The following FGF2 variants were observed in gnomAD, a reference collection of about 807,000 sequenced individuals.
The protein encoded by FGF2 is fibroblast growth factor 2, also known as basic fibroblast growth factor bFGF.
In FGF2, 13 loss-of-function variants were observed where a neutral mutation model predicts 15.9. That is an observed-to-expected ratio of 0.82 (90% CI 0.53 to 1.30). The LOEUF is 1.30. Ranked by LOEUF, FGF2 falls within the 50% of genes most tolerant of loss-of-function variation. FGF2 has a pLI of 0.00. For missense variants in FGF2, 163 were observed against 196.9 expected (o/e 0.83, Z 1.03); for synonymous variants, 90 against 78.4 (o/e 1.15, Z -0.78).
chr4:122,831,361 C>T (rs187550508), intron 1 of FGF2, among the ~76,000 whole-genome samples: 49 of 152,206 alleles, frequency 3.2e-4, no homozygotes, highest in Admixed American at 2.0e-3. Flanking sequence ...TACTAGTTTA[C>T]GGGTGCCTCA....
intron 2 of FGF2, among the ~76,000 whole-genome samples, chr4:122,883,715 G>A (rs945594631): frequency 1.3e-5 from 2 of 152,172 alleles, no homozygotes; most frequent in African/African-American, 4.8e-5. Context: ...GCATTGGTAT[G>A]AAAAAACTTT....
At chr4:122,888,945 T>C (rs561457554) in intron 2 of FGF2, 2 of 152,352 alleles carry the variant, frequency 1.3e-5, no homozygotes, top group East Asian at 3.9e-4. Context: ...TTCATTGATG[T>C]GTCTTAGATG....
Position 122,892,301 on chromosome 4 carries a change from G to A in FGF2, c.373G>A (p.Val125Met). The change falls in exon 3 of 3, where the codon GTG becomes ATG. Residue 125 changes from valine (V) to methionine (M), a missense_variant. Transcript: ENST00000644866. ...GTCAAGGAAATACACCAGTTGGTAT[G>A]TGGCACTGAAACGAACTGGGCAGTA... ...YRSRKYTSWYVALKRTGQYKL... is the reference protein window; with the variant it reads ...YRSRKYTSWYMALKRTGQYKL... 6.2e-7 allele frequency: 1 copy of A among 1,613,966 alleles called. No homozygotes were observed. The highest frequency in any genetic ancestry group is 1.7e-5 in the Admixed American group (1 of 60,018).
Position 122,892,927 on chromosome 4 carries a change from C to T in FGF2, c.*531C>T. 6.2e-7 allele frequency: 1 copy of T among 1,614,122 alleles called. No homozygotes were observed. Among genetic ancestry groups the T allele is most frequent in the Non-Finnish European group, 8.5e-7 (1 of 1,180,012 alleles). On this transcript the variant is annotated 3_prime_UTR_variant, in exon 3 of 3. Coordinates refer to ENST00000644866, the MANE Select transcript of FGF2 (RefSeq NM_001361665.2). ...AAACTGCTGGAAGTTCTTCCACAGT[C>T]AGGTCAATTTTGTCAAACCCTTCTC...
At chr4:122,867,309 G>T (rs1560750284) in intron 1 of FGF2, among the ~76,000 whole-genome samples, 1 of 152,154 alleles carries the variant, frequency 6.6e-6, no homozygotes, top group Non-Finnish European at 1.5e-5. Flanking sequence ...CCTCAATAAG[G>T]CTATAACAGG....
intron 1 of FGF2, among the ~76,000 whole-genome samples, chr4:122,830,779 C>T (rs1725746801): frequency 1.6e-5 from 2 of 126,346 alleles, no homozygotes; most frequent in Non-Finnish European, 3.1e-5. Flanking sequence ...TGCTTATGTA[C>T]ACTTAGTATT....
intron 2 of FGF2, among the ~76,000 whole-genome samples, chr4:122,881,478 A>G (rs1253255425): frequency 6.6e-6 from 1 of 152,158 alleles, no homozygotes; most frequent in Admixed American, 6.5e-5. Flanking sequence ...GATACCCTAA[A>G]TCATATCTCT....
rs1372897275 is a variant in FGF2, at chr4:122,894,471, T to C, written c.*2075T>C. 1 of 152,026 alleles carries C rather than the reference T, an allele frequency of 6.6e-6. No individual in the cohort carries two copies. The highest frequency in any genetic ancestry group is 2.4e-5 in the African/African-American group (1 of 41,394). 9.4% of individuals were successfully genotyped at this position (152,026 alleles called of 1,614,324 possible). A position where few individuals can be genotyped will look rare whatever the true frequency, so the allele number is the denominator to read the frequency against. ...GGTGGCGTGTACATGTGGTCTCAGATACTTGGGAGGCTGAGGTGGGAGGGT... is the reference window on the plus strand; with the variant it reads ...GGTGGCGTGTACATGTGGTCTCAGACACTTGGGAGGCTGAGGTGGGAGGGT... On this transcript the variant is annotated 3_prime_UTR_variant, in exon 3 of 3. Coordinates refer to ENST00000644866, the MANE Select transcript of FGF2 (RefSeq NM_001361665.2).
intron 2 of FGF2, among the ~76,000 whole-genome samples, chr4:122,880,956 C>T (rs1042510053): frequency 2.0e-5 from 3 of 152,200 alleles, no homozygotes; most frequent in Admixed American, 6.5e-5. Context: ...TGAAATCTAG[C>T]GGAGGTTCCT....
intron 1 of FGF2, among the ~76,000 whole-genome samples, chr4:122,828,089 A>G (rs1725685871): frequency 6.6e-6 from 1 of 152,156 alleles, no homozygotes. Flanking sequence ...ATATATTACT[A>G]CCTTGCAGCA....
chr4:122,831,480 C>T (rs1400642616), intron 1 of FGF2, among the ~76,000 whole-genome samples: 1 of 152,162 alleles, frequency 6.6e-6, no homozygotes, highest in Non-Finnish European at 1.5e-5. Context: ...ATTCTCTCCC[C>T]CCACCTCTCT....
At chr4:122,866,195 C>T (rs1190315834) in intron 1 of FGF2, among the ~76,000 whole-genome samples, 3 of 151,774 alleles carry the variant, frequency 2.0e-5, no homozygotes, top group Non-Finnish European at 4.4e-5. Context: ...CATGAAACCC[C>T]GACTCTACTA....
chr4:122,886,225 T>A (rs2150789422), intron 2 of FGF2, among the ~76,000 whole-genome samples: 1 of 152,240 alleles, frequency 6.6e-6, no homozygotes, highest in East Asian at 1.9e-4. Flanking sequence ...TGACCTGATG[T>A]TTTTTTCATG....
chr4:122,892,931 T>C lies in FGF2; in HGVS notation c.*535T>C. On this transcript the variant is annotated 3_prime_UTR_variant, in exon 3 of 3. Transcript: ENST00000644866. Reference sequence around the variant, plus strand: ...TGCTGGAAGTTCTTCCACAGTCAGGTCAATTTTGTCAAACCCTTCTCTGTA... The same window carrying C: ...TGCTGGAAGTTCTTCCACAGTCAGGCCAATTTTGTCAAACCCTTCTCTGTA... 6.2e-7 allele frequency: 1 copy of C among 1,614,162 alleles called. No homozygotes were observed. Among genetic ancestry groups the C allele is most frequent in the Non-Finnish European group, 8.5e-7 (1 of 1,180,024 alleles).
rs1274985678 is a variant in FGF2 at position 122,896,101 on chromosome 4, C to T, written c.*3705C>T. The T allele has an allele frequency of 6.6e-6, 1 of 152,230 alleles. No individual in the cohort carries two copies. The highest frequency in any genetic ancestry group is 1.5e-5 in the Non-Finnish European group (1 of 67,992). The allele number at this position is 152,230 out of a possible 1,614,324, so 9.4% of individuals were successfully genotyped here. A position where few individuals can be genotyped will look rare whatever the true frequency, so the allele number is the denominator to read the frequency against. On this transcript the variant is annotated 3_prime_UTR_variant, in exon 3 of 3. Transcript: ENST00000644866. ...TAGGAAGTATGGCTAATGCCAACGG[C>T]AGTTTTTTTCTTCTTAATTCCACAT...
intron 1 of FGF2, among the ~76,000 whole-genome samples, chr4:122,870,555 A>G (rs13435300): frequency 0.14 from 21,277 of 152,044 alleles, 1,616 homozygotes; most frequent in Middle Eastern, 0.22. Context: ...TAGCCTTGGG[A>G]CGGTGTATGT....
rs748774402 is a variant in FGF2, at chr4:122,827,263, A to C, written c.89A>C (p.Lys30Thr). The C allele has an allele frequency of 6.2e-7, 1 of 1,612,548 alleles. No homozygotes were observed. The highest frequency in any genetic ancestry group is 8.5e-7 in the Non-Finnish European group (1 of 1,179,770). Residue 30 changes from lysine to threonine, a missense_variant, in exon 1 of 3, where the codon AAG (lysine) becomes ACG (threonine). Transcript: ENST00000644866. This position sits in a 1 kb window ranked among gnomAD's most constrained non-coding sequence, Gnocchi z 4.2. ...CCGCCCGGCCACTTCAAGGACCCCA[A>C]GCGGCTGTACTGCAAAAACGGGGGC... ...AFPPGHFKDP[K>T]RLYCKNGGFF...
chr4:122,831,577 T>G (rs1200844649), intron 1 of FGF2, among the ~76,000 whole-genome samples: 1 of 152,212 alleles, frequency 6.6e-6, no homozygotes, highest in African/African-American at 2.4e-5. Flanking sequence ...AGTAAACAAA[T>G]GAAGTCAGAA....
At chr4:122,877,695 A>G (rs376009445) in intron 2 of FGF2, among the ~76,000 whole-genome samples, 29 of 152,260 alleles carry the variant, frequency 1.9e-4, no homozygotes, top group African/African-American at 6.0e-4. Context: ...GCCACTGGCC[A>G]GTTATGACAT....
Sources: gnomAD v4.1 joint callset for allele counts (sites outside exome capture counted in the v4.1 genomes callset) on GRCh38, gnomAD v4.1.1 for gene constraint, Gnocchi (gnomAD v3.1) non-coding constraint, MANE v1.5 for transcripts, NCBI Gene and HGNC (gene_info 2026-07-23, HGNC 2026-07-21) for gene names.